The following GREB1L variants were observed in gnomAD, a reference collection of about 807,000 sequenced individuals.
The protein encoded by GREB1L is GREB1 like retinoic acid receptor coactivator.
Under a neutral mutation model 200.8 loss-of-function variants are expected in GREB1L, and 17 were observed. The observed-to-expected ratio is 0.08, with a 90% CI of 0.06 to 0.13. The LOEUF (loss-of-function observed/expected upper bound fraction) is 0.13. Among genes scored for constraint, GREB1L ranks in the 10% least tolerant of loss-of-function variants. The probability of loss-of-function intolerance (pLI) is 1.00; values close to 1 mark genes in which losing one functional copy is unlikely to be tolerated. For missense variants in GREB1L, 1,657 were observed against 2,367.7 expected (o/e 0.70, Z 6.23); for synonymous variants, 789 against 893.0 (o/e 0.88, Z 2.08).
rs1241230156 is a variant in GREB1L at position 21,524,213 on chromosome 18, A to G, written c.*1392A>G. 6.6e-6 allele frequency: 1 copy of G among 152,180 alleles called. No individual in the cohort carries two copies. Among genetic ancestry groups the G allele is most frequent in the East Asian group, 1.9e-4 (1 of 5,202 alleles). 9.4% of individuals were successfully genotyped at this position (152,180 alleles called of 1,614,324 possible). ...CTACTGAGGGGCCTACTAAGCCTGC[A>G]TTTACTTAGAACAAATAGTGTTAAT... On this transcript the variant is annotated 3_prime_UTR_variant, in exon 33 of 33. Transcript: ENST00000424526.
chr18:21,298,997 G>A (rs1181963800), intron 1 of GREB1L, among the ~76,000 whole-genome samples: 1 of 152,106 alleles, frequency 6.6e-6, no homozygotes, highest in African/African-American at 2.4e-5. Flanking sequence ...TCTTCAAAAG[G>A]CTGGGCCTGG....
intron 4 of GREB1L, among the ~76,000 whole-genome samples, chr18:21,393,371 A>C (rs1445126139): frequency 6.6e-6 from 1 of 152,110 alleles, no homozygotes; most frequent in Non-Finnish European, 1.5e-5. Flanking sequence ...ATCTTGGCTC[A>C]CTGCAACCTC....
chr18:21,371,237 C>A (rs916422528), intron 2 of GREB1L, among the ~76,000 whole-genome samples: 18 of 152,030 alleles, frequency 1.2e-4, no homozygotes, highest in African/African-American at 4.1e-4. Flanking sequence ...TTAGAAAATT[C>A]TTTTGGGCAG....
intron 1 of GREB1L, among the ~76,000 whole-genome samples, chr18:21,322,222 T>C (rs914918086): frequency 1.3e-5 from 2 of 152,112 alleles, no homozygotes; most frequent in African/African-American, 4.8e-5. Flanking sequence ...AAATAAATCA[T>C]TTAGATTAAC....
chr18:21,243,737 T>C (rs2037547433), intron 1 of GREB1L, among the ~76,000 whole-genome samples: 1 of 152,232 alleles, frequency 6.6e-6, no homozygotes, highest in Admixed American at 6.5e-5. Flanking sequence ...ACTGAAAAAT[T>C]ATTTAAAAGA....
chr18:21,258,937 T>C (rs2037845807), intron 1 of GREB1L, among the ~76,000 whole-genome samples: 1 of 152,258 alleles, frequency 6.6e-6, no homozygotes, highest in East Asian at 1.9e-4. Flanking sequence ...GAATTGATAG[T>C]CTGGAAAAAA....
At chr18:21,412,284 A>G (rs903400276) in intron 7 of GREB1L, among the ~76,000 whole-genome samples, 4 of 151,882 alleles carry the variant, frequency 2.6e-5, no homozygotes, top group African/African-American at 7.3e-5. Flanking sequence ...GTGTTGACAC[A>G]TGCCTGTAGT....
intron 14 of GREB1L, among the ~76,000 whole-genome samples, chr18:21,453,209 G>A (rs974130204): frequency 2.0e-5 from 3 of 152,180 alleles, no homozygotes; most frequent in African/African-American, 7.2e-5. Flanking sequence ...TGTATTAAAA[G>A]ACAGATATAT....
At chr18:21,418,679 C>T (rs530791835) in intron 7 of GREB1L, among the ~76,000 whole-genome samples, 17 of 152,026 alleles carry the variant, frequency 1.1e-4, no homozygotes, top group South Asian at 4.2e-4. Context: ...CCTGCCACCA[C>T]GCCCAGCTAA....
Position 21,508,103 on chromosome 18 carries a change from T to C in GREB1L, c.4369-15T>C, listed in dbSNP as rs1051197484. 1 of 1,550,768 alleles carries C rather than the reference T, an allele frequency of 6.4e-7. No individual in the cohort carries two copies. Among genetic ancestry groups the C allele is most frequent in the African/African-American group, 1.4e-5 (1 of 73,026 alleles). ...GCTTACTTACGTTCCCTCCCTTTCT[T>C]CTTTGCAAATGTAGATGTCTGACTC... On this transcript the variant is annotated splice_polypyrimidine_tract_variant and intron_variant, in intron 25 of 32. Transcript: ENST00000424526.
rs2037675930 is a variant in GREB1L, at chr18:21,525,768, T to C, written c.*2947T>C. ...GATGCTGTTATTGTAGTATGAATTA[T>C]ATCTTCTTAAAAAATTTTACCAACT... On this transcript the variant is annotated 3_prime_UTR_variant, in exon 33 of 33. Transcript: ENST00000424526. Among the ~76,000 whole-genome samples, 1 of 152,238 alleles carries C rather than the reference T, an allele frequency of 6.6e-6. No homozygotes were observed. Among genetic ancestry groups the C allele is most frequent in the East Asian group, 1.9e-4 (1 of 5,204 alleles).
chr18:21,365,527 T>C (rs1010873578), intron 1 of GREB1L, among the ~76,000 whole-genome samples: 1 of 152,190 alleles, frequency 6.6e-6, no homozygotes, highest in Non-Finnish European at 1.5e-5. Context: ...CTCTTGTTCT[T>C]TTTGCAGGCT....
At chr18:21,366,616 T>TCCCCACC (rs2039689361) in intron 2 of GREB1L, among the ~76,000 whole-genome samples, 1 of 132,640 alleles carries the variant, frequency 7.5e-6, no homozygotes, top group Non-Finnish European at 1.6e-5. Flanking sequence ...AAGGTGATGC[T>TCCCCACC]CCCCACCCCC....
chr18:21,433,926 C>A (rs2033342095), intron 7 of GREB1L, among the ~76,000 whole-genome samples: 1 of 152,084 alleles, frequency 6.6e-6, no homozygotes, highest in Non-Finnish European at 1.5e-5. Flanking sequence ...TGGCTTGAAT[C>A]TTTCTCTCTT....
Position 21,403,944 on chromosome 18 carries a change from C to T in GREB1L, c.782C>T (p.Thr261Ile). ...AGCTCTTCAGTGTCGTCAACTGTGA[C>T]CCCAGAAAATGGGACAACTAATGGA... ...KPSSSVSSTV[T>I]PENGTTNGYK... The change falls in exon 7 of 33, where the codon ACC (threonine) becomes ATC (isoleucine). Residue 261 changes from threonine to isoleucine, a missense_variant. This residue lies in a region of GREB1L where 289 missense variants were observed against 345.1 expected (regional missense o/e 0.84). Coordinates refer to ENST00000424526, the MANE Select transcript of GREB1L (RefSeq NM_001142966.3). The T allele has an allele frequency of 6.4e-7, 1 of 1,550,706 alleles. No individual in the cohort carries two copies. The highest frequency in any genetic ancestry group is 8.7e-7 in the Non-Finnish European group (1 of 1,145,774).
At chr18:21,298,769 A>G (rs1598639651) in intron 1 of GREB1L, among the ~76,000 whole-genome samples, 2 of 152,048 alleles carry the variant, frequency 1.3e-5, no homozygotes, top group Non-Finnish European at 2.9e-5. Flanking sequence ...CCTCGTCTCT[A>G]TGCAAAATGT....
intron 1 of GREB1L, among the ~76,000 whole-genome samples, chr18:21,243,591 C>G (rs570284697): frequency 6.6e-6 from 1 of 152,316 alleles, no homozygotes; most frequent in Admixed American, 6.5e-5. Flanking sequence ...GGTTTTTGAA[C>G]TCAGTCCCCC....
At chr18:21,492,841 C>T (rs2036394699) in intron 19 of GREB1L, among the ~76,000 whole-genome samples, 1 of 152,178 alleles carries the variant, frequency 6.6e-6, no homozygotes, top group African/African-American at 2.4e-5. Flanking sequence ...GTCCCAGCTA[C>T]TTGGGAGCCT....
At chr18:21,280,508 C>A (rs1303711033) in intron 1 of GREB1L, among the ~76,000 whole-genome samples, 1 of 151,680 alleles carries the variant, frequency 6.6e-6, no homozygotes, top group Non-Finnish European at 1.5e-5. Context: ...AATAAAGCTG[C>A]TAAAAACACT....
Sources: allele counts gnomAD v4.1 joint callset (sites outside exome capture counted in the v4.1 genomes callset), GRCh38; gene constraint gnomAD v4.1.1; regional missense constraint gnomAD v4.1.1; transcripts MANE v1.5; gene names NCBI Gene and HGNC (gene_info 2026-07-23, HGNC 2026-07-21).